ABLIM1: variants seen among roughly 807,000 people sequenced by gnomAD.
The protein encoded by ABLIM1 is actin-binding LIM protein 1.
A neutral mutation model predicts 107.0 loss-of-function variants in ABLIM1; 40 were observed. The ratio of observed to expected loss-of-function variants is 0.37; its 90% CI spans 0.29 to 0.49. The LOEUF is 0.49. Among genes scored for constraint, ABLIM1 ranks in the 20% least tolerant of loss-of-function variants. The probability of loss-of-function intolerance (pLI) is 0.97; values close to 1 mark genes in which losing one functional copy is unlikely to be tolerated. For synonymous variants in ABLIM1, 357 were observed against 357.3 expected, an observed-to-expected ratio of 1.00 and a Z score of 0.01; for missense variants, 857 against 1,008.5, an observed-to-expected ratio of 0.85 and a Z score of 2.04.
the ABLIM1 span, among the ~76,000 whole-genome samples, chr10:114,780,554 C>T: frequency 1.3e-4 from 20 of 152,016 alleles, no homozygotes; most frequent in Admixed American, 2.6e-4. Context: ...GGATTTGGCT[C>T]TCTCTCTCTC....
At chr10:114,482,812 C>T (rs1038366165) in intron 8 of ABLIM1, among the ~76,000 whole-genome samples, 8 of 152,288 alleles carry the variant, frequency 5.3e-5, no homozygotes, top group African/African-American at 1.7e-4. Flanking sequence ...ATCTCTTAAG[C>T]TTAAAGGTCT....
chr10:114,787,296 C>T, the ABLIM1 span, among the ~76,000 whole-genome samples: 1 of 151,128 alleles, frequency 6.6e-6, no homozygotes, highest in Non-Finnish European at 1.5e-5. Context: ...CCTCTCTGCC[C>T]AGCAGCCGCC....
At chr10:114,598,964 C>T (rs540502783) in intron 2 of ABLIM1, among the ~76,000 whole-genome samples, 4 of 152,154 alleles carry the variant, frequency 2.6e-5, no homozygotes, top group African/African-American at 9.6e-5. Flanking sequence ...GCAAGTCTCC[C>T]CACAGTTATA....
intron 4 of ABLIM1, 62 bp from the exon 5 acceptor site, chr10:114,547,838 C>G (rs910138133): frequency 1.3e-6 from 2 of 1,579,450 alleles, no homozygotes; most frequent in Non-Finnish European, 1.7e-6. Flanking sequence ...AAGCAGGCAG[C>G]CCAATTTCAA....
intron 4 of ABLIM1, among the ~76,000 whole-genome samples, chr10:114,552,618 T>C (rs1360081561): frequency 6.6e-6 from 1 of 152,132 alleles, no homozygotes; most frequent in African/African-American, 2.4e-5. Flanking sequence ...TTAACATCCA[T>C]CTACATAGCC....
At chr10:114,705,711 A>G (rs1427659724) in intron 1 of ABLIM1, among the ~76,000 whole-genome samples, 2 of 152,242 alleles carry the variant, frequency 1.3e-5, no homozygotes, top group Admixed American at 6.5e-5. Flanking sequence ...GCAATGCCAA[A>G]GCAGAAAAGG....
At chr10:114,673,929 C>A (rs917981177) in intron 1 of ABLIM1, among the ~76,000 whole-genome samples, 2 of 151,554 alleles carry the variant, frequency 1.3e-5, no homozygotes, top group African/African-American at 2.4e-5. Flanking sequence ...AAAATTCAGG[C>A]AAATGTAATC....
chr10:114,622,457 A>T (rs1259032679), intron 1 of ABLIM1, among the ~76,000 whole-genome samples: 1 of 151,828 alleles, frequency 6.6e-6, no homozygotes, highest in Non-Finnish European at 1.5e-5. Flanking sequence ...TTTTGGAGAG[A>T]CAGGGTCTCA....
chr10:114,745,431 T>C (rs148651287), intron 1 of ABLIM1, among the ~76,000 whole-genome samples: 1,617 of 151,562 alleles, frequency 0.011, 19 homozygotes, highest in African/African-American at 0.036. Context: ...CATGGTGGCA[T>C]GTGCCTGTAA....
At chr10:114,485,158 G>A (rs2057999808) in intron 8 of ABLIM1, 1 of 539,250 alleles carries the variant, frequency 1.9e-6, no homozygotes, top group Non-Finnish European at 3.1e-6. Flanking sequence ...CAGTGTGAGA[G>A]GCGCTTGTGG....
At chr10:114,733,747 T>TA (rs1227386582) in intron 1 of ABLIM1, among the ~76,000 whole-genome samples, 2 of 152,230 alleles carry the variant, frequency 1.3e-5, no homozygotes, top group Non-Finnish European at 2.9e-5. Flanking sequence ...ATCAGAAACA[T>TA]ACGCCTCCAT....
chr10:114,455,025 A>C (rs961620423), intron 12 of ABLIM1, among the ~76,000 whole-genome samples: 1 of 152,234 alleles, frequency 6.6e-6, no homozygotes, highest in Non-Finnish European at 1.5e-5. Flanking sequence ...AGATCATCAG[A>C]AAATAGAGGT....
At chr10:114,645,828 C>A (rs2497696) in intron 1 of ABLIM1, among the ~76,000 whole-genome samples, 1 of 152,088 alleles carries the variant, frequency 6.6e-6, no homozygotes, top group South Asian at 2.1e-4. Context: ...CCAAAATGTC[C>A]TTTTGGCCTG....
chr10:114,487,775 C>G (rs2058393389), intron 8 of ABLIM1, among the ~76,000 whole-genome samples, 183 bp downstream of exon 8: 1 of 152,042 alleles, frequency 6.6e-6, no homozygotes, highest in African/African-American at 2.4e-5. Flanking sequence ...GGAATAAAAA[C>G]CACAGTACGT....
At chr10:114,784,780 G>A in the ABLIM1 span, among the ~76,000 whole-genome samples, 1 of 151,620 alleles carries the variant, frequency 6.6e-6, no homozygotes, top group South Asian at 2.1e-4. Context: ...TTACTGCAAC[G>A]TGCACTGAAT....
intron 1 of ABLIM1, among the ~76,000 whole-genome samples, chr10:114,667,626 A>G (rs1270395651): frequency 6.6e-6 from 1 of 152,214 alleles, no homozygotes; most frequent in Non-Finnish European, 1.5e-5. Context: ...ATGTCTGTCA[A>G]GATATAGAAC....
chr10:114,575,188 T>A (rs1240317821), intron 3 of ABLIM1, among the ~76,000 whole-genome samples: 1 of 152,214 alleles, frequency 6.6e-6, no homozygotes, highest in East Asian at 1.9e-4. Flanking sequence ...TCAGAATTAG[T>A]TTCAATCTAC....
rs1565460809 is a variant in ABLIM1 at position 114,473,880 on chromosome 10, T to C, written c.1118A>G (p.Tyr373Cys). ...SIPGSPGHTI[Y>C]AKVDNEILDY... is the part of the protein sequence containing the mutation. ...TCACTTCCAGAAGTAGATACTTACA[T>C]AGATAGTATGACCTGGTGAGCCAGG... Residue 373 changes from tyrosine (Y) to cysteine (C), a missense_variant and splice_region_variant, in exon 9 of 23, where the codon TAT (tyrosine) becomes TGT (cysteine). By Grantham distance (194) the Tyr-to-Cys change is radical (BLOSUM62 -2). This residue lies in a region of ABLIM1 where 381 missense variants were observed against 506.9 expected (regional missense o/e 0.75). Coordinates refer to ENST00000533213, the MANE Select transcript of ABLIM1 (RefSeq NM_002313.7). 1.2e-6 allele frequency: 2 copies of C among 1,609,282 alleles called. No individual in the cohort carries two copies. The highest frequency in any genetic ancestry group is 1.7e-6 in the Non-Finnish European group (2 of 1,175,658).
Position 114,441,776 on chromosome 10 carries a change from A to C in ABLIM1, c.1944T>G (p.Ile648Met), listed in dbSNP as rs1232451891. The C allele has an allele frequency of 2.5e-6, 4 of 1,613,938 alleles. No homozygotes were observed. The highest frequency in any genetic ancestry group is 3.3e-5 in the Admixed American group (2 of 60,010). ...YDSPINSASH[I>M]PSSKTASLPG... ...GGAGAGATGCAGTTTTAGATGATGG[A>C]ATATGTGAAGCTGAGTAAGAAAAAA... Residue 648 changes from isoleucine (I) to methionine (M), a missense_variant, in exon 18 of 23, where the codon ATT becomes ATG. Ile to Met is a conservative substitution (Grantham distance 10). This residue lies in a region of ABLIM1 where 193 missense variants were observed against 208.5 expected (regional missense o/e 0.93). Transcript: ENST00000533213.
Sources: allele counts gnomAD v4.1 joint callset (sites outside exome capture counted in the v4.1 genomes callset), GRCh38; gene constraint gnomAD v4.1.1; regional missense constraint gnomAD v4.1.1; transcripts MANE v1.5; gene names NCBI Gene and HGNC (gene_info 2026-07-23, HGNC 2026-07-21).